The following CTNNA2 variants were observed in gnomAD, a reference collection of about 807,000 sequenced individuals.
CTNNA2 encodes the protein catenin alpha-2.
A neutral mutation model predicts 101.0 loss-of-function variants in CTNNA2; 42 were observed. The observed-to-expected ratio is 0.42, with a 90% CI of 0.32 to 0.54. CTNNA2 has a LOEUF of 0.54. Ranked by LOEUF, CTNNA2 falls within the 20% of genes least tolerant of loss-of-function variation. CTNNA2 has a pLI of 0.14. For synonymous variants in CTNNA2, 450 were observed against 456.4 expected (o/e 0.99, Z 0.18); for missense variants, 871 against 1,223.1 (o/e 0.71, Z 4.29).
At chr2:79,801,402 T>A (rs1405363803) in intron 3 of CTNNA2, among the ~76,000 whole-genome samples, 13 of 152,326 alleles carry the variant, frequency 8.5e-5, no homozygotes, top group Non-Finnish European at 4.4e-5. Flanking sequence ...GGATCGTTTA[T>A]GTGCTAATTA....
chr2:80,387,442 A>G (rs1292129225), intron 7 of CTNNA2, among the ~76,000 whole-genome samples: 2 of 152,130 alleles, frequency 1.3e-5, no homozygotes, highest in African/African-American at 4.8e-5. Context: ...AGAAGGGGTG[A>G]TGGGTATTTA....
In CTNNA2 at chr2:80,647,874, AC is replaced by A; in HGVS notation, c.*3del. ...TTCAAAGCAATGGATTCCTTCTAGG[AC>A]GATAGGTTTTAACAAGAAAGCTTTT... is the stretch of plus-strand genomic sequence containing the variant. On this transcript the variant is annotated 3_prime_UTR_variant, in exon 19 of 19. Coordinates refer to ENST00000402739, the MANE Select transcript of CTNNA2 (RefSeq NM_001282597.3). 2 of 1,566,410 alleles carry A rather than the reference AC, an allele frequency of 1.3e-6. No homozygotes were observed. Among genetic ancestry groups the A allele is most frequent in the Non-Finnish European group, 1.7e-6 (2 of 1,157,358 alleles).
intron 3 of CTNNA2, among the ~76,000 whole-genome samples, chr2:79,342,605 G>A (rs932154402): frequency 1.3e-5 from 2 of 152,116 alleles, no homozygotes; most frequent in African/African-American, 4.8e-5. Flanking sequence ...GGGTACATTT[G>A]CAATTAGTTT....
chr2:80,184,170 G>A (rs1327133904), intron 7 of CTNNA2, among the ~76,000 whole-genome samples: 1 of 152,050 alleles, frequency 6.6e-6, no homozygotes, highest in Non-Finnish European at 1.5e-5. Context: ...CATAAGAAAA[G>A]TGTGAGTTCT....
At chr2:80,193,829 A>G (rs988274733) in intron 7 of CTNNA2, among the ~76,000 whole-genome samples, 5 of 152,178 alleles carry the variant, frequency 3.3e-5, no homozygotes, top group African/African-American at 1.2e-4. Context: ...TTAAAAATGA[A>G]GATGATACTG....
At chr2:79,193,253 G>T (rs1186881976) in intron 1 of CTNNA2, among the ~76,000 whole-genome samples, 2 of 152,122 alleles carry the variant, frequency 1.3e-5, no homozygotes, top group Admixed American at 1.3e-4. Flanking sequence ...GCTAGGTCAT[G>T]CTCTTTATAC....
intron 2 of CTNNA2, among the ~76,000 whole-genome samples, chr2:79,682,135 G>A (rs7568201): frequency 0.3 from 45,478 of 151,868 alleles, 7,164 homozygotes; most frequent in Admixed American, 0.36. Context: ...CTGGCCAGGC[G>A]CGGTGGCTCA....
chr2:79,962,207 T>C (rs1243541300), intron 7 of CTNNA2, among the ~76,000 whole-genome samples: 2 of 152,210 alleles, frequency 1.3e-5, no homozygotes, highest in Non-Finnish European at 2.9e-5. Flanking sequence ...CTCACAGATC[T>C]GGAGGCTGGG....
chr2:80,356,802 C>T (rs1396275287), intron 7 of CTNNA2, among the ~76,000 whole-genome samples: 1 of 152,158 alleles, frequency 6.6e-6, no homozygotes, highest in African/African-American at 2.4e-5. Context: ...TCTTTGGGGG[C>T]ATTTTTCTTG....
Position 79,709,389 on chromosome 2 carries a change from A to C in CTNNA2, c.103-34998A>C, listed in dbSNP as rs76270309. Among the ~76,000 whole-genome samples, 18 of 152,298 alleles carry C rather than the reference A, an allele frequency of 1.2e-4. No homozygotes were observed. The East Asian group carries it at 2.9e-3, about 25-fold the overall frequency. On this transcript the variant is annotated intron_variant, in intron 2 of 18. Transcript: ENST00000402739. The stretch of plus-strand genomic sequence containing the variant: ...ATATAAGGAACACTGAGTACATGAA[A>C]GATATACCAGGGACTCAGGTCAATG...
intron 12 of CTNNA2, among the ~76,000 whole-genome samples, chr2:80,570,186 T>G (rs1169078587): frequency 6.6e-6 from 1 of 152,120 alleles, no homozygotes; most frequent in African/African-American, 2.4e-5. Context: ...GTAGCTGGGA[T>G]TACAGGCACC....
intron 7 of CTNNA2, among the ~76,000 whole-genome samples, chr2:80,090,146 C>CTGTGTGTGTG (rs35203371): frequency 1.4e-5 from 2 of 140,740 alleles, no homozygotes; most frequent in East Asian, 4.1e-4. Flanking sequence ...CTCTCTCTCT[C>CTGTGTGTGTG]TGTGTGTGTG....
intron 6 of CTNNA2, among the ~76,000 whole-genome samples, chr2:79,901,619 A>C (rs1414582815): frequency 3.9e-5 from 6 of 152,202 alleles, no homozygotes; most frequent in Non-Finnish European, 8.8e-5. Flanking sequence ...TGTACGTTTC[A>C]GATGACTAAG....
chr2:79,595,027 C>G (rs1677097283), intron 1 of CTNNA2, among the ~76,000 whole-genome samples: 1 of 151,730 alleles, frequency 6.6e-6, no homozygotes, highest in African/African-American at 2.4e-5. Context: ...TGATATTGAT[C>G]AAGGAACCTA....
At chr2:79,630,558 A>G (rs1443062442) in intron 1 of CTNNA2, among the ~76,000 whole-genome samples, 1 of 152,260 alleles carries the variant, frequency 6.6e-6, no homozygotes, top group African/African-American at 2.4e-5. Flanking sequence ...CAGTATACAT[A>G]ATGTAAGACA....
At chr2:79,404,166 G>T (rs576593577) in intron 4 of CTNNA2, among the ~76,000 whole-genome samples, 101 of 151,822 alleles carry the variant, frequency 6.7e-4, no homozygotes, top group Admixed American at 1.5e-3. Flanking sequence ...GGGCAATAGT[G>T]TACATTGGTA....
chr2:79,865,603 G>A (rs1446314648), intron 4 of CTNNA2, among the ~76,000 whole-genome samples: 1 of 152,188 alleles, frequency 6.6e-6, no homozygotes, highest in African/African-American at 2.4e-5. Flanking sequence ...CACAGTGCAG[G>A]CAGGGATGTA....
chr2:80,591,556 T>C (rs1696513561), intron 15 of CTNNA2, among the ~76,000 whole-genome samples: 1 of 151,026 alleles, frequency 6.6e-6, no homozygotes, highest in Non-Finnish European at 1.5e-5. Flanking sequence ...TACATTGTTA[T>C]TATTGCCCTT....
intron 12 of CTNNA2, among the ~76,000 whole-genome samples, chr2:80,558,014 C>T (rs1015863519): frequency 6.6e-6 from 1 of 152,228 alleles, no homozygotes; most frequent in African/African-American, 2.4e-5. Context: ...TGCCCATATC[C>T]AATTCCTAAT....
Sources: gnomAD v4.1 joint callset for allele counts (sites outside exome capture counted in the v4.1 genomes callset) on GRCh38, gnomAD v4.1.1 for gene constraint, MANE v1.5 for transcripts, NCBI Gene and HGNC (gene_info 2026-07-23, HGNC 2026-07-21) for gene names.